BARX2: variants seen among roughly 807,000 people sequenced by gnomAD.
BARX2 encodes the protein homeobox protein BarH-like 2.
Under a neutral mutation model 25.5 loss-of-function variants are expected in BARX2, and 11 were observed. The ratio of observed to expected loss-of-function variants is 0.43; its 90% CI spans 0.27 to 0.71. The LOEUF is 0.71. Among genes scored for constraint, BARX2 ranks in the 30% least tolerant of loss-of-function variants. BARX2 has a pLI of 0.19. For missense variants in BARX2, 360 were observed against 359.9 expected (o/e 1.00, Z 0.00); for synonymous variants, 137 against 149.5 (o/e 0.92, Z 0.61).
rs1429086748 is a variant in BARX2 at position 129,376,236 on chromosome 11, C to CT, written c.187+15dup. On this transcript the variant is annotated intron_variant, in intron 1 of 3. Transcript: ENST00000281437. This position sits in a 1 kb window ranked among gnomAD's most constrained non-coding sequence, Gnocchi z 4.2. ...ATTCCTGTACGGGTAAGACGCTCCGCTAGGGGATAAGTGGGGTTCGGTAGC... is the reference window on the plus strand; with the variant it reads ...ATTCCTGTACGGGTAAGACGCTCCGCTTAGGGGATAAGTGGGGTTCGGTAGC... The CT allele has an allele frequency of 6.3e-7, 1 of 1,591,110 alleles. No homozygotes were observed.
chr11:129,449,877 GGGCACAC>G (rs1234741909), intron 3 of BARX2, among the ~76,000 whole-genome samples: 1 of 152,178 alleles, frequency 6.6e-6, no homozygotes, highest in Non-Finnish European at 1.5e-5. Flanking sequence ...GCTGCTCCTA[GGGCACAC>G]GGCAGAGGGC....
At chr11:129,449,965 A>G (rs2954142) in intron 3 of BARX2, among the ~76,000 whole-genome samples, 49,386 of 152,026 alleles carry the variant, frequency 0.32, 8,194 homozygotes, top group East Asian at 0.45. Context: ...GGCGGATGGT[A>G]TATATATTCT....
chr11:129,419,103 C>T (rs552089328), intron 1 of BARX2, among the ~76,000 whole-genome samples: 60 of 152,288 alleles, frequency 3.9e-4, no homozygotes, highest in Admixed American at 2.5e-3. Flanking sequence ...CATGTGAGTG[C>T]GCCCTGTGTT....
chr11:129,401,199 G>A (rs758506359), intron 1 of BARX2, among the ~76,000 whole-genome samples: 9 of 152,178 alleles, frequency 5.9e-5, no homozygotes, highest in Admixed American at 2.0e-4. Context: ...GAAATGAGAC[G>A]GTGGAAATAA....
Position 129,436,562 on chromosome 11 carries a change from A to G in BARX2, c.188-189A>G. On this transcript the variant is annotated intron_variant, in intron 1 of 3. Coordinates refer to ENST00000281437, the MANE Select transcript of BARX2 (RefSeq NM_003658.5). This position sits in a 1 kb window ranked among gnomAD's most constrained non-coding sequence, Gnocchi z 4.5. ...GGCTTCATCTTCCCACACAGAGCAG[A>G]GCAGACCTCTGTGCCTGCCCTGCAG... The G allele has an allele frequency of 1.6e-6, 1 of 609,404 alleles. No individual in the cohort carries two copies. Among genetic ancestry groups the G allele is most frequent in the Non-Finnish European group, 2.8e-6 (1 of 356,422 alleles). The allele number at this position is 609,404 out of a possible 1,614,324, so 37.7% of individuals were successfully genotyped here. A position where few individuals can be genotyped will look rare whatever the true frequency, so the allele number is the denominator to read the frequency against.
intron 1 of BARX2, among the ~76,000 whole-genome samples, chr11:129,391,702 C>T (rs996323205): frequency 6.6e-6 from 1 of 152,120 alleles, no homozygotes; most frequent in African/African-American, 2.4e-5. Context: ...GGATAAATTT[C>T]CAGACCTTTC....
In BARX2 at chr11:129,441,398, G is replaced by A. The variant is rs1251150816; in HGVS notation, c.489-1437G>A. Reference sequence around the variant, plus strand: ...ATACTTTACATTTTGTGGGCCATATGGTCTGTGACAACTACCCAATTCTGA... The same window carrying A: ...ATACTTTACATTTTGTGGGCCATATAGTCTGTGACAACTACCCAATTCTGA... On this transcript the variant is annotated intron_variant, in intron 2 of 3. Coordinates refer to ENST00000281437, the MANE Select transcript of BARX2 (RefSeq NM_003658.5). Among the ~76,000 whole-genome samples, 22 of 152,130 alleles carry A rather than the reference G, an allele frequency of 1.4e-4. 1 individual carries two copies. The highest frequency in any genetic ancestry group is 4.4e-5 in the Non-Finnish European group (3 of 68,010).
intron 1 of BARX2, among the ~76,000 whole-genome samples, chr11:129,423,402 A>G (rs1457071968): frequency 6.6e-6 from 1 of 152,176 alleles, no homozygotes; most frequent in Non-Finnish European, 1.5e-5. Context: ...GGCTTGAGCC[A>G]CTGCACCCGG....
intron 1 of BARX2, among the ~76,000 whole-genome samples, chr11:129,420,524 C>A (rs191596960): frequency 6.6e-6 from 1 of 152,344 alleles, no homozygotes; most frequent in East Asian, 1.9e-4. Context: ...AAAATAATCT[C>A]TCTTCTGTTA....
chr11:129,433,769 C>T (rs946578644), intron 1 of BARX2, among the ~76,000 whole-genome samples: 1 of 152,214 alleles, frequency 6.6e-6, no homozygotes. Context: ...CCCTCTGCCC[C>T]ACCTGCCCCA....
rs374249937 is a variant in BARX2 at position 129,403,792 on chromosome 11, C to T, written c.187+27570C>T. Among the ~76,000 whole-genome samples the T allele has an allele frequency of 3.7e-4, 57 of 152,300 alleles. 1 individual carries two copies. In the South Asian group the frequency reaches 9.3e-3, roughly 25 times the overall value. The stretch of plus-strand genomic sequence containing the variant: ...CTGGAGTACAGTGGTGTGATCATAG[C>T]TTACTGCAGTCTTGAACTCCTGGGC... On this transcript the variant is annotated intron_variant, in intron 1 of 3. Transcript: ENST00000281437.
chr11:129,382,696 G>C (rs935013644), intron 1 of BARX2, among the ~76,000 whole-genome samples: 1 of 152,128 alleles, frequency 6.6e-6, no homozygotes. Context: ...TCTTCTGTTG[G>C]GGATGCAGTT....
intron 1 of BARX2, among the ~76,000 whole-genome samples, chr11:129,431,046 G>A (rs1222236631): frequency 6.6e-6 from 1 of 152,102 alleles, no homozygotes; most frequent in Non-Finnish European, 1.5e-5. Context: ...ATTTTTAGTA[G>A]AGACAGGGTT....
Position 129,451,302 on chromosome 11 carries a change from A to G in BARX2, c.740A>G (p.Gln247Arg). 6.2e-7 allele frequency: 1 copy of G among 1,614,194 alleles called. No homozygotes were observed. Among genetic ancestry groups the G allele is most frequent in the Non-Finnish European group, 8.5e-7 (1 of 1,180,022 alleles). The change falls in exon 4 of 4, where the codon CAG becomes CGG. Residue 247 changes from glutamine (Q) to arginine (R), a missense_variant. This residue lies in a region of BARX2 where 114 missense variants were observed against 109.4 expected (regional missense o/e 1.04). Transcript: ENST00000281437. ...GGGCAGGAGGAGCTCTGTGAAGCACAGGAACCGAAAGCACGTGATGTCCCC... is the reference window on the plus strand; with the variant it reads ...GGGCAGGAGGAGCTCTGTGAAGCACGGGAACCGAAAGCACGTGATGTCCCC... ...SQGQEELCEA[Q>R]EPKARDVPLE...
At chr11:129,385,124 G>A (rs10791004) in intron 1 of BARX2, among the ~76,000 whole-genome samples, 41,409 of 152,124 alleles carry the variant, frequency 0.27, 6,871 homozygotes, top group Middle Eastern at 0.42. Flanking sequence ...CACTCACTGG[G>A]TAGCCCAAAA....
intron 1 of BARX2, among the ~76,000 whole-genome samples, chr11:129,380,709 T>C (rs1565507575): frequency 6.6e-6 from 1 of 152,186 alleles, no homozygotes; most frequent in Non-Finnish European, 1.5e-5. Context: ...GATCTGGGAC[T>C]CATCCAGGGT....
chr11:129,415,761 C>T (rs930514264), intron 1 of BARX2, among the ~76,000 whole-genome samples: 1 of 152,214 alleles, frequency 6.6e-6, no homozygotes, highest in Non-Finnish European at 1.5e-5. Context: ...TCCCTTGCTC[C>T]AACTTTACTT....
rs376017523 is a variant in BARX2 at position 129,433,687 on chromosome 11, C to T, written c.188-3064C>T. 3.1e-4 allele frequency among the ~76,000 whole-genome samples: 47 copies of T among 152,212 alleles called. 2 individuals carry two copies. The South Asian group carries it at 9.1e-3, about 30-fold the overall frequency. On this transcript the variant is annotated intron_variant, in intron 1 of 3. Transcript: ENST00000281437. ...CGTACCTTCTCCAGGCTCTCCTCTGCGTGGGGGTGCTTACCTGCAGAAGGG... is the reference window on the plus strand; with the variant it reads ...CGTACCTTCTCCAGGCTCTCCTCTGTGTGGGGGTGCTTACCTGCAGAAGGG...
At position 129,402,236 on chromosome 11, in the gene BARX2, G is replaced by A. The variant is rs114631429; in HGVS notation, c.187+26014G>A. Among the ~76,000 whole-genome samples, 1,400 of 152,110 alleles carry A rather than the reference G, an allele frequency of 9.2e-3. 27 individuals carry two copies. The highest frequency in any genetic ancestry group is 0.027 in the African/African-American group (1,126 of 41,490). On this transcript the variant is annotated intron_variant, in intron 1 of 3. Coordinates refer to ENST00000281437, the MANE Select transcript of BARX2 (RefSeq NM_003658.5). ...AGAAGCCTGCAGCTTTGGGGGCACAGACCTGGCTTGAATTCTCAGTCCCTT... is the reference window on the plus strand; with the variant it reads ...AGAAGCCTGCAGCTTTGGGGGCACAAACCTGGCTTGAATTCTCAGTCCCTT...
Sources: allele counts gnomAD v4.1 joint callset (sites outside exome capture counted in the v4.1 genomes callset), GRCh38; gene constraint gnomAD v4.1.1; regional missense constraint gnomAD v4.1.1; non-coding constraint Gnocchi (gnomAD v3.1); transcripts MANE v1.5; gene names NCBI Gene and HGNC (gene_info 2026-07-23, HGNC 2026-07-21).